Variants in NMNAT2 observed in about 807,000 individuals in gnomAD.
NMNAT2 encodes nicotinamide nucleotide adenylyltransferase 2.
In NMNAT2, 11 loss-of-function variants were observed where a neutral mutation model predicts 41.6. That is an observed-to-expected ratio of 0.26 (90% CI 0.17 to 0.44). The LOEUF is 0.44. NMNAT2 is among the 20% of genes least tolerant of loss of function. The pLI, the probability that NMNAT2 is intolerant of heterozygous loss-of-function variation, is 1.00. For missense variants in NMNAT2, 288 were observed against 407.7 expected (o/e 0.71, Z 2.53); for synonymous variants, 148 against 151.2 (o/e 0.98, Z 0.16).
chr1:183,325,937 A>G (rs1460086461), intron 1 of NMNAT2, among the ~76,000 whole-genome samples: 1 of 152,208 alleles, frequency 6.6e-6, no homozygotes, highest in Non-Finnish European at 1.5e-5. Context: ...GGTCCCTGCC[A>G]TGTCCCTGCC....
In NMNAT2 at chr1:183,412,195, C is replaced by T. The variant is rs1472793352; in HGVS notation, c.85+5988G>A. Among the ~76,000 whole-genome samples, 4 of 152,170 alleles carry T rather than the reference C, an allele frequency of 2.6e-5. No individual in the cohort carries two copies. The East Asian group carries it at 7.7e-4, about 29-fold the overall frequency. On this transcript the variant is annotated intron_variant, in intron 1 of 10. Coordinates refer to ENST00000287713, the MANE Select transcript of NMNAT2 (RefSeq NM_015039.4). ...GCAACATGATCTGACTTAGATTTGG[C>T]TTACATTTTGAAAGGATCACTCTGT...
rs200764897 is a variant in NMNAT2 at position 183,261,052 on chromosome 1, C to T, written c.771G>A (p.Val257=). 1.2e-6 allele frequency: 2 copies of T among 1,613,874 alleles called. No individual in the cohort carries two copies. The highest frequency in any genetic ancestry group is 1.3e-5 in the African/African-American group (1 of 74,918). Residue 257 remains valine (V), a synonymous_variant, in exon 10 of 11, where the codon GTG becomes GTA. Coordinates refer to ENST00000287713, the MANE Select transcript of NMNAT2 (RefSeq NM_015039.4). ...LRKYKNNIMV[V]KDDINHPMSV... is the part of the protein sequence containing the mutation. ...ACATGGGATGGTTGATGTCATCCTT[C>T]ACCACCATGATGTTGTTCTGAGGAC...
Position 183,302,676 on chromosome 1 carries a change from C to T in NMNAT2, c.86-8883G>A, listed in dbSNP as rs1317157440. ...CCACTGTTCCCCTGCCCTAATCTCC[C>T]CAGGGCTAGGTACCGAACAACTAGG... On this transcript the variant is annotated intron_variant, in intron 1 of 10. Transcript: ENST00000287713. Among the ~76,000 whole-genome samples, 3 of 152,286 alleles carry T rather than the reference C, an allele frequency of 2.0e-5. No homozygotes were observed. The East Asian group carries it at 5.8e-4, about 29-fold the overall frequency.
At chr1:183,341,523 CAA>C (rs33955752) in intron 1 of NMNAT2, among the ~76,000 whole-genome samples, 40,621 of 80,764 alleles carry the variant, frequency 0.5, 9,210 homozygotes, top group East Asian at 0.8. Flanking sequence ...ACAAAAAATG[CAA>C]AAAAAAAAAA....
chr1:183,403,228 C>A (rs1648864192), intron 1 of NMNAT2, among the ~76,000 whole-genome samples: 1 of 152,176 alleles, frequency 6.6e-6, no homozygotes, highest in Non-Finnish European at 1.5e-5. Context: ...GCCACTGCAC[C>A]CGGCCAAACA....
intron 7 of NMNAT2, among the ~76,000 whole-genome samples, chr1:183,280,775 ATTTTTTTT>A (rs138238837): frequency 1.6e-5 from 1 of 60,960 alleles, no homozygotes; most frequent in African/African-American, 7.2e-5. Context: ...GTGTTAGTGT[ATTTTTTTT>A]TTTTTTTTTT....
At chr1:183,403,744 A>T (rs1348778043) in intron 1 of NMNAT2, among the ~76,000 whole-genome samples, 3 of 152,198 alleles carry the variant, frequency 2.0e-5, no homozygotes, top group African/African-American at 7.2e-5. Flanking sequence ...TTCTTTATTC[A>T]CTACATTTAA....
intron 1 of NMNAT2, among the ~76,000 whole-genome samples, chr1:183,296,672 C>T (rs1441890426): frequency 6.6e-6 from 1 of 152,028 alleles, no homozygotes; most frequent in Non-Finnish European, 1.5e-5. Context: ...ACCACCATAC[C>T]CAGCTAATTT....
chr1:183,318,621 A>G (rs143292848), intron 1 of NMNAT2, among the ~76,000 whole-genome samples: 1 of 152,188 alleles, frequency 6.6e-6, no homozygotes, highest in African/African-American at 2.4e-5. Flanking sequence ...GGACAGAATC[A>G]TTGCACAACC....
At chr1:183,318,593 GAGGGTTT>G (rs1194644522) in intron 1 of NMNAT2, among the ~76,000 whole-genome samples, 1 of 152,194 alleles carries the variant, frequency 6.6e-6, no homozygotes, top group Non-Finnish European at 1.5e-5. Context: ...ACTGAGAAGG[GAGGGTTT>G]AGGGAGGCCA....
intron 1 of NMNAT2, among the ~76,000 whole-genome samples, chr1:183,307,989 G>A (rs568693742): frequency 8.5e-5 from 13 of 152,346 alleles, no homozygotes; most frequent in African/African-American, 2.9e-4. Context: ...GGTGTGTTTG[G>A]ATGATGGATG....
At chr1:183,268,351 A>C (rs1033384732) in intron 8 of NMNAT2, among the ~76,000 whole-genome samples, 25 of 152,212 alleles carry the variant, frequency 1.6e-4, no homozygotes, top group Non-Finnish European at 3.4e-4. Flanking sequence ...GACACTAGGC[A>C]TGCAGGGTTG....
chr1:183,259,973 C>T (rs1288101682), intron 10 of NMNAT2, among the ~76,000 whole-genome samples: 1 of 152,170 alleles, frequency 6.6e-6, no homozygotes, highest in Non-Finnish European at 1.5e-5. Flanking sequence ...CCTCTATATT[C>T]CGTGTATTTC....
intron 1 of NMNAT2, among the ~76,000 whole-genome samples, chr1:183,338,667 G>A (rs908806474): frequency 6.6e-6 from 1 of 152,178 alleles, no homozygotes; most frequent in Non-Finnish European, 1.5e-5. Context: ...CAGGTCTCCT[G>A]AGTGCACTCT....
At chr1:183,330,967 C>T (rs893336919) in intron 1 of NMNAT2, among the ~76,000 whole-genome samples, 3 of 152,114 alleles carry the variant, frequency 2.0e-5, no homozygotes, top group Non-Finnish European at 4.4e-5. Context: ...GTTGAAGGAG[C>T]CTCCTCTGTT....
intron 1 of NMNAT2, among the ~76,000 whole-genome samples, chr1:183,400,270 T>G (rs565306675): frequency 1.3e-5 from 2 of 152,020 alleles, no homozygotes; most frequent in South Asian, 2.1e-4. Flanking sequence ...ACACCAATAA[T>G]AGACAAACAA....
At chr1:183,283,528 A>G (rs1661321921) in intron 7 of NMNAT2, 1 of 184,010 alleles carries the variant, frequency 5.4e-6, no homozygotes. Context: ...GGCAGCCCTC[A>G]CACAGACAGT....
chr1:183,394,155 T>TA (rs1648565374), intron 1 of NMNAT2, among the ~76,000 whole-genome samples: 1 of 152,210 alleles, frequency 6.6e-6, no homozygotes, highest in South Asian at 2.1e-4. Context: ...TTTCAACTGG[T>TA]AACAGAATGG....
At chr1:183,308,459 C>T (rs1317550780) in intron 1 of NMNAT2, among the ~76,000 whole-genome samples, 2 of 152,132 alleles carry the variant, frequency 1.3e-5, no homozygotes, top group South Asian at 2.1e-4. Flanking sequence ...TCCAGGAATC[C>T]ATACTACAGA....
Sources: allele counts gnomAD v4.1 joint callset (sites outside exome capture counted in the v4.1 genomes callset), GRCh38; gene constraint gnomAD v4.1.1; transcripts MANE v1.5; gene names NCBI Gene and HGNC (gene_info 2026-07-23, HGNC 2026-07-21).